The following ANO3 variants were observed in gnomAD, a reference collection of about 807,000 sequenced individuals.
ANO3 encodes anoctamin 3.
A neutral mutation model predicts 144.8 loss-of-function variants in ANO3; 99 were observed. That is an observed-to-expected ratio of 0.68 (90% CI 0.58 to 0.81). The LOEUF (loss-of-function observed/expected upper bound fraction) is 0.81. ANO3 is among the 30% of genes least tolerant of loss of function. The pLI is 0.00. For missense variants in ANO3, 905 were observed against 1,202.2 expected (o/e 0.75, Z 3.66); for synonymous variants, 414 against 392.6 (o/e 1.05, Z -0.64).
At position 26,663,198 on chromosome 11, in the gene ANO3, A is replaced by T. The variant is rs1444063934; in HGVS notation, c.*2754A>T. The T allele has an allele frequency of 6.6e-6, 1 of 152,096 alleles. No homozygotes were observed. Among genetic ancestry groups the T allele is most frequent in the Non-Finnish European group, 1.5e-5 (1 of 67,988 alleles). The allele number at this position is 152,096 out of a possible 1,614,324, so 9.4% of individuals were successfully genotyped here. On this transcript the variant is annotated 3_prime_UTR_variant, in exon 27 of 27. Transcript: ENST00000256737. ...ATGAGATACAACTTCTGAATGCTGC[A>T]CATTCTTCCAAAATGATCCTTAGCA...
At position 26,230,085 on chromosome 11, in the gene ANO3, T is replaced by C. The variant is rs560558627; in HGVS notation, c.154+40755T>C. ...GACTGGCATGGATAGACTAGTTGCC[T>C]AAAAAACTTCAGCCTTCTAAAAGAG... On this transcript the variant is annotated intron_variant, in intron 1 of 27. Transcript: ENST00000672621. Among the ~76,000 whole-genome samples the C allele has an allele frequency of 2.0e-5, 3 of 152,308 alleles. No individual in the cohort carries two copies. The East Asian group carries it at 5.8e-4, about 29-fold the overall frequency.
rs186796320 is a variant in ANO3 at position 26,266,680 on chromosome 11, G to A, written c.155-42965G>A. ...GAACTCCTGACATTGTGGTCCACCC[G>A]CCTTGGCCTCCCAAAGTGCTGGGAT... On this transcript the variant is annotated intron_variant, in intron 1 of 27. Coordinates refer to the ANO3 transcript ENST00000672621. Among the ~76,000 whole-genome samples the A allele has an allele frequency of 6.7e-4, 101 of 151,704 alleles. 2 individuals carry two copies. The East Asian group carries it at 0.02, about 29-fold the overall frequency.
intron 1 of ANO3, among the ~76,000 whole-genome samples, chr11:26,226,098 T>G (rs1852251698): frequency 6.6e-6 from 1 of 152,002 alleles, no homozygotes; most frequent in Non-Finnish European, 1.5e-5. Flanking sequence ...TCAGTCTTCT[T>G]AAAAAAATGA....
intron 1 of ANO3, among the ~76,000 whole-genome samples, chr11:26,210,910 A>C (rs967486632): frequency 1.3e-5 from 2 of 152,042 alleles, no homozygotes; most frequent in Admixed American, 6.6e-5. Flanking sequence ...TAATAGTGGG[A>C]GTCTTTAACA....
chr11:26,381,861 G>T (rs940809742), intron 1 of ANO3, among the ~76,000 whole-genome samples: 6 of 151,940 alleles, frequency 3.9e-5, no homozygotes, highest in African/African-American at 1.5e-4. Context: ...GCAAAGAATT[G>T]GTATTTTATT....
At chr11:26,217,796 A>C (rs1281829647) in intron 1 of ANO3, among the ~76,000 whole-genome samples, 1 of 151,296 alleles carries the variant, frequency 6.6e-6, no homozygotes, top group Non-Finnish European at 1.5e-5. Context: ...TGTTAAATTT[A>C]AAATGTTTTA....
intron 14 of ANO3, chr11:26,561,334 T>A: frequency 1.4e-6 from 1 of 739,516 alleles, no homozygotes; most frequent in African/African-American, 1.8e-5. Context: ...TAAATATATT[T>A]TTATATGGGC....
intron 1 of ANO3, among the ~76,000 whole-genome samples, chr11:26,387,580 T>C (rs1437869054): frequency 1.3e-5 from 2 of 152,210 alleles, no homozygotes; most frequent in African/African-American, 4.8e-5. Context: ...CTTTTAAAAC[T>C]TTTATTCTTA....
rs1565081218 is a variant in ANO3, at chr11:26,529,099, T to TATATATATTATATATA, written c.738-2095_738-2094insATATAATATATATTAT. ...TACATGGCAATTATAATTTCTATAT[T>TATATATATTATATATA]ATATATATTATTAATAATATATATT... On this transcript the variant is annotated intron_variant, in intron 7 of 26. Coordinates refer to ENST00000256737, the MANE Select transcript of ANO3 (RefSeq NM_031418.4). Among the ~76,000 whole-genome samples the TATATATATTATATATA allele has an allele frequency of 1.6e-4, 2 of 12,592 alleles. 1 individual carries two copies. 8.3% of individuals were successfully genotyped at this position (12,592 alleles called of 152,430 possible).
At chr11:26,493,290 C>A (rs1398703056) in intron 4 of ANO3, among the ~76,000 whole-genome samples, 1 of 152,048 alleles carries the variant, frequency 6.6e-6, no homozygotes, top group African/African-American at 2.4e-5. Flanking sequence ...TTTTAATAAT[C>A]TGGATTTCGT....
chr11:26,527,039 T>G (rs1348981889), intron 7 of ANO3, among the ~76,000 whole-genome samples: 5 of 76,720 alleles, frequency 6.5e-5, no homozygotes, highest in African/African-American at 2.1e-4. Flanking sequence ...TTAGTGAGAC[T>G]TTGCTACTAC....
intron 5 of ANO3, among the ~76,000 whole-genome samples, chr11:26,512,441 T>C (rs1272605489): frequency 6.6e-6 from 1 of 152,112 alleles, no homozygotes; most frequent in Non-Finnish European, 1.5e-5. Context: ...AGGTAATCTT[T>C]CTCCCTGACA....
chr11:26,642,342 C>CTTTTTTTTTTTTTTTTTTT (rs576729432), intron 22 of ANO3, among the ~76,000 whole-genome samples: 35 of 93,054 alleles, frequency 3.8e-4, no homozygotes, highest in African/African-American at 9.6e-4. Flanking sequence ...TTCTTTCTTT[C>CTTTTTTTTTTTTTTTTTTT]TTTTTTTTTT....
chr11:26,642,114 T>A (rs1853176234), intron 22 of ANO3, 85 bp downstream of exon 22: 1 of 1,474,230 alleles, frequency 6.8e-7, no homozygotes, highest in African/African-American at 1.4e-5. Flanking sequence ...ACAGAGAAAA[T>A]TATCTCTTTC....
At chr11:26,210,963 A>T (rs1851920095) in intron 1 of ANO3, among the ~76,000 whole-genome samples, 1 of 152,130 alleles carries the variant, frequency 6.6e-6, no homozygotes, top group Non-Finnish European at 1.5e-5. Flanking sequence ...CAGAAAATTA[A>T]CAAGGATATT....
chr11:26,350,672 CA>C (rs1855624997), intron 1 of ANO3, among the ~76,000 whole-genome samples: 1 of 151,882 alleles, frequency 6.6e-6, no homozygotes, highest in Middle Eastern at 3.2e-3. Flanking sequence ...GCAAAGAGTA[CA>C]ACGTTGTGAT....
rs759186235 is a variant in ANO3 at position 26,516,959 on chromosome 11, A to G, written c.692+32A>G. 7.6e-6 allele frequency: 10 copies of G among 1,324,056 alleles called. No homozygotes were observed. The African/African-American group carries it at 1.0e-4, about 14-fold the overall frequency. 82.0% of individuals were successfully genotyped at this position (1,324,056 alleles called of 1,614,324 possible). A position where few individuals can be genotyped will look rare whatever the true frequency, so the allele number is the denominator to read the frequency against. ...TCAAATTTTACTTTATTTTATCTCA[A>G]TATATATTAAAATGAGTCTATCTTT... is the stretch of plus-strand genomic sequence containing the variant. On this transcript the variant is annotated intron_variant, in intron 6 of 26. Coordinates refer to ENST00000256737, the MANE Select transcript of ANO3 (RefSeq NM_031418.4).
intron 1 of ANO3, among the ~76,000 whole-genome samples, chr11:26,246,001 T>C (rs1416714668): frequency 6.6e-6 from 1 of 152,174 alleles, no homozygotes; most frequent in Non-Finnish European, 1.5e-5. Context: ...GAGGTATTTG[T>C]TTTCCTCTTT....
intron 1 of ANO3, among the ~76,000 whole-genome samples, chr11:26,202,528 C>T (rs1851718327): frequency 6.6e-6 from 1 of 151,210 alleles, no homozygotes; most frequent in South Asian, 2.1e-4. Context: ...TGTGGAAACA[C>T]AGGGCGGGTA....
Sources: allele counts gnomAD v4.1 joint callset (sites outside exome capture counted in the v4.1 genomes callset), GRCh38; gene constraint gnomAD v4.1.1; transcripts MANE v1.5; gene names NCBI Gene and HGNC (gene_info 2026-07-23, HGNC 2026-07-21).